GARIN5A: variants seen among roughly 807,000 people sequenced by gnomAD.
GARIN5A encodes the protein Golgi-associated RAB2 interactor protein 5A.
the GARIN5A span, among the ~76,000 whole-genome samples, chr19:50,471,038 C>T: frequency 1.2e-4 from 18 of 151,938 alleles, no homozygotes; most frequent in Non-Finnish European, 2.9e-5. Flanking sequence ...GATTACAGCT[C>T]ACTGCAGCCT....
At chr19:50,475,604 T>C in the GARIN5A span, 1 of 795,100 alleles carries the variant, frequency 1.3e-6, no homozygotes, top group East Asian at 2.7e-5. Context: ...AAATTAAAGT[T>C]CAAGAATCAT....
chr19:50,474,439 G>C, the GARIN5A span, among the ~76,000 whole-genome samples: 1 of 151,344 alleles, frequency 6.6e-6, no homozygotes, highest in African/African-American at 2.4e-5. Flanking sequence ...TCCGCCTCCT[G>C]GGTTCACGCC....
chr19:50,471,979 T>C, the GARIN5A span, among the ~76,000 whole-genome samples: 1 of 150,356 alleles, frequency 6.7e-6, no homozygotes, highest in African/African-American at 2.5e-5. Context: ...TACATGTATG[T>C]GTGTATATGT....
At chr19:50,470,675 G>A in the GARIN5A span, among the ~76,000 whole-genome samples, 1 of 132,112 alleles carries the variant, frequency 7.6e-6, no homozygotes, top group South Asian at 2.7e-4. Context: ...TTTTTTTTGA[G>A]ATGGAGTCTC....
At chr19:50,475,927 G>A in the GARIN5A span, 2 of 1,613,292 alleles carry the variant, frequency 1.2e-6, no homozygotes, top group African/African-American at 1.3e-5. Context: ...ACGGCCCGTG[G>A]GAGAGGCTGC....
the GARIN5A span, among the ~76,000 whole-genome samples, chr19:50,474,268 C>T: frequency 3.3e-5 from 5 of 151,434 alleles, no homozygotes; most frequent in South Asian, 2.1e-4. Flanking sequence ...CAACCTCCAC[C>T]TCTTGGGTTC....
the GARIN5A span, among the ~76,000 whole-genome samples, chr19:50,473,689 C>A: frequency 1.3e-5 from 2 of 149,350 alleles, no homozygotes; most frequent in African/African-American, 4.9e-5. Context: ...GAGATGTGGT[C>A]AAAAAAGTGA....
At chr19:50,476,363 A>T in the GARIN5A span, 1 of 1,571,438 alleles carries the variant, frequency 6.4e-7, no homozygotes, top group South Asian at 1.2e-5. Flanking sequence ...CGGCTCCTGG[A>T]GATCAGGCCA....
chr19:50,474,855 A>C, the GARIN5A span, among the ~76,000 whole-genome samples: 1 of 152,128 alleles, frequency 6.6e-6, no homozygotes, highest in African/African-American at 2.4e-5. Context: ...GGAGGGCTCA[A>C]GAACCATGAG....
the GARIN5A span, among the ~76,000 whole-genome samples, chr19:50,472,216 G>GTGTA: frequency 5.4e-3 from 693 of 128,064 alleles, 48 homozygotes; most frequent in African/African-American, 0.015. Flanking sequence ...ATACATGTGT[G>GTGTA]TATGTATATA....
the GARIN5A span, among the ~76,000 whole-genome samples, chr19:50,472,302 T>C: frequency 2.6e-5 from 4 of 151,898 alleles, no homozygotes; most frequent in Non-Finnish European, 4.4e-5. Flanking sequence ...TATATATGTA[T>C]ATATACATGT....
the GARIN5A span, among the ~76,000 whole-genome samples, chr19:50,470,314 G>C: frequency 6.6e-6 from 1 of 152,186 alleles, no homozygotes; most frequent in Non-Finnish European, 1.5e-5. Flanking sequence ...AGGAGTTTGA[G>C]ACCAGCCTGA....
chr19:50,472,217 T>C, the GARIN5A span, among the ~76,000 whole-genome samples: 189 of 108,868 alleles, frequency 1.7e-3, no homozygotes, highest in African/African-American at 6.0e-3. Context: ...TACATGTGTG[T>C]ATGTATATAT....
the GARIN5A span, among the ~76,000 whole-genome samples, chr19:50,471,706 ACG>A: frequency 1.3e-5 from 2 of 150,036 alleles, no homozygotes; most frequent in Admixed American, 1.3e-4. Flanking sequence ...GCATACATGC[ACG>A]TGTGTGTATA....
At chr19:50,472,304 T>C in the GARIN5A span, among the ~76,000 whole-genome samples, 1 of 151,892 alleles carries the variant, frequency 6.6e-6, no homozygotes, top group Non-Finnish European at 1.5e-5. Context: ...TATATGTATA[T>C]ATACATGTAT....
chr19:50,476,800 T>G, the GARIN5A span: 4 of 583,630 alleles, frequency 6.9e-6, no homozygotes, highest in Non-Finnish European at 1.1e-5. Context: ...CAGGCCTCAG[T>G]CACGCACGCG....
chr19:50,475,959 G>A, the GARIN5A span: 1 of 1,609,298 alleles, frequency 6.2e-7, no homozygotes, highest in South Asian at 1.1e-5. Flanking sequence ...ATTTTACCAG[G>A]ACGAAGTCTG....
chr19:50,471,993 T>A, the GARIN5A span, among the ~76,000 whole-genome samples: 1 of 151,380 alleles, frequency 6.6e-6, no homozygotes, highest in Admixed American at 6.6e-5. Flanking sequence ...TATATGTATA[T>A]ATACGTGTAT....
chr19:50,474,507 G>A, the GARIN5A span, among the ~76,000 whole-genome samples: 8 of 151,988 alleles, frequency 5.3e-5, no homozygotes, highest in African/African-American at 1.2e-4. Context: ...CACCACGCCC[G>A]ACTAATTTTT....
Sources: allele counts gnomAD v4.1 joint callset (sites outside exome capture counted in the v4.1 genomes callset), GRCh38; gene constraint gnomAD v4.1.1; transcripts MANE v1.5; gene names NCBI Gene and HGNC (gene_info 2026-07-23, HGNC 2026-07-21).